The following PSMD11 variants were observed in gnomAD, a reference collection of about 807,000 sequenced individuals.
PSMD11 encodes proteasome 26S subunit, non-ATPase 11.
Under a neutral mutation model 62.3 loss-of-function variants are expected in PSMD11, and 5 were observed. The ratio of observed to expected loss-of-function variants is 0.08; its 90% CI spans 0.04 to 0.17. PSMD11 has a LOEUF of 0.17. Ranked by LOEUF, PSMD11 falls within the 10% of genes least tolerant of loss-of-function variation. PSMD11 has a pLI of 1.00. For missense variants in PSMD11, 310 were observed against 512.9 expected (o/e 0.60, Z 3.82); for synonymous variants, 191 against 191.8 (o/e 1.00, Z 0.03).
At chr17:32,475,542 A>T (rs1189141071) in intron 8 of PSMD11, among the ~76,000 whole-genome samples, 3 of 151,292 alleles carry the variant, frequency 2.0e-5, no homozygotes, top group Non-Finnish European at 4.4e-5. Flanking sequence ...ATCTCACTGT[A>T]TCTCTGGAGG....
intron 5 of PSMD11, among the ~76,000 whole-genome samples, chr17:32,465,546 T>A (rs532648747): frequency 6.6e-6 from 1 of 152,180 alleles, no homozygotes; most frequent in Non-Finnish European, 1.5e-5. Context: ...TTTCATATGG[T>A]TCAAATAGGA....
rs940344758 is a variant in PSMD11 at position 32,481,167 on chromosome 17, C to A, written c.*415C>A. ...GTTTGCTGACCATCAAAAGCAATGA[C>A]TTTTTATTCTGTTTGTACTGAACCA... On this transcript the variant is annotated 3_prime_UTR_variant, in exon 14 of 14. Coordinates refer to ENST00000261712, the MANE Select transcript of PSMD11 (RefSeq NM_002815.4). 1 of 153,962 alleles carries A rather than the reference C, an allele frequency of 6.5e-6. No individual in the cohort carries two copies. The highest frequency in any genetic ancestry group is 1.4e-5 in the Non-Finnish European group (1 of 69,298). The allele number at this position is 153,962 out of a possible 1,614,324, so 9.5% of individuals were successfully genotyped here. A position where few individuals can be genotyped will look rare whatever the true frequency, so the allele number is the denominator to read the frequency against.
rs1217206595 is a variant in PSMD11, at chr17:32,477,595, A to T, written c.912+12A>T. ...CAGATTTTGAAAAGGTGAGTATGATATTGGGTTGGTATGGAATGTGAGTGG... is the reference window on the plus strand; with the variant it reads ...CAGATTTTGAAAAGGTGAGTATGATTTTGGGTTGGTATGGAATGTGAGTGG... On this transcript the variant is annotated intron_variant, in intron 9 of 13. Transcript: ENST00000261712. 1 of 1,600,468 alleles carries T rather than the reference A, an allele frequency of 6.2e-7. No homozygotes were observed. The highest frequency in any genetic ancestry group is 1.3e-5 in the African/African-American group (1 of 74,640).
rs966665551 is a variant in PSMD11 at position 32,444,510 on chromosome 17, G to T, written c.-14G>T. On this transcript the variant is annotated 5_prime_UTR_variant, in exon 1 of 14. Transcript: ENST00000261712. ...GTCGGCGGCCGCGGCCGGGGACGGT[G>T]TGAGAGCGGTAAGATGGCGGCGGCG... The T allele has an allele frequency of 3.2e-6, 5 of 1,583,868 alleles. No individual in the cohort carries two copies. The highest frequency in any genetic ancestry group is 4.3e-6 in the Non-Finnish European group (5 of 1,166,106).
intron 3 of PSMD11, among the ~76,000 whole-genome samples, chr17:32,455,883 C>G (rs1175462852): frequency 6.6e-6 from 1 of 152,080 alleles, no homozygotes; most frequent in Non-Finnish European, 1.5e-5. Context: ...GTGGCTCACG[C>G]CTGTAATCCC....
chr17:32,469,704 T>G (rs1908105163), intron 6 of PSMD11, among the ~76,000 whole-genome samples: 1 of 59,984 alleles, frequency 1.7e-5, no homozygotes, highest in African/African-American at 4.2e-5. Flanking sequence ...TATTCAGCAG[T>G]TTTTTTTTTT....
rs139981384 is a variant in PSMD11 at position 32,463,131 on chromosome 17, G to A, written c.319-918G>A. Among the ~76,000 whole-genome samples the A allele has an allele frequency of 2.4e-3, 368 of 152,324 alleles. 1 individual carries two copies. The highest frequency in any genetic ancestry group is 7.7e-3 in the African/African-American group (322 of 41,572). ...TAATATAAAACTTGCAGTAACCAAA[G>A]TGATAGAAGATCTTCAGTACTTAAT... On this transcript the variant is annotated intron_variant, in intron 3 of 13. Transcript: ENST00000261712.
rs1304090257 is a variant in PSMD11, at chr17:32,472,541, CTTTTTTTT to C, written c.644-1253_644-1246del. Among the ~76,000 whole-genome samples the C allele has an allele frequency of 2.9e-5, 4 of 138,954 alleles. No individual in the cohort carries two copies. In the East Asian group the frequency reaches 8.5e-4, roughly 29 times the overall value. The allele number at this position is 138,954 out of a possible 152,430, so 91.2% of individuals were successfully genotyped here. The stretch of plus-strand genomic sequence containing the variant: ...AGACGTGAGCCACTGTGCCTGACCT[CTTTTTTTT>C]TTTTTTAAGACGGAGTCTCACTCTG... On this transcript the variant is annotated intron_variant, in intron 6 of 13. Coordinates refer to ENST00000261712, the MANE Select transcript of PSMD11 (RefSeq NM_002815.4).
intron 1 of PSMD11, among the ~76,000 whole-genome samples, chr17:32,446,670 T>C (rs1907340640): frequency 6.6e-6 from 1 of 152,182 alleles, no homozygotes; most frequent in African/African-American, 2.4e-5. Context: ...AGAAACTTAG[T>C]GTATGTAGGT....
intron 13 of PSMD11, 47 bp downstream of exon 13, chr17:32,480,678 G>A: frequency 6.2e-7 from 1 of 1,603,566 alleles, no homozygotes; most frequent in Non-Finnish European, 8.5e-7. Context: ...TCTGTCTTCT[G>A]CGTGTCGAGA....
chr17:32,476,497 A>C (rs1025073951), intron 8 of PSMD11, among the ~76,000 whole-genome samples: 1 of 152,218 alleles, frequency 6.6e-6, no homozygotes, highest in African/African-American at 2.4e-5. Context: ...GCCTTGCACC[A>C]TGTAGTCTAC....
chr17:32,474,106 T>C, intron 7 of PSMD11, 161 bp downstream of exon 7: 1 of 782,272 alleles, frequency 1.3e-6, no homozygotes. Context: ...TCAAAAGTGG[T>C]CCAGAAAACT....
chr17:32,462,981 C>T (rs1176264026), intron 3 of PSMD11, among the ~76,000 whole-genome samples: 1 of 152,210 alleles, frequency 6.6e-6, no homozygotes, highest in African/African-American at 2.4e-5. Context: ...AGCCACTGCG[C>T]CTGGCCAGCA....
chr17:32,450,579 G>A (rs1907464658), intron 2 of PSMD11, among the ~76,000 whole-genome samples: 1 of 151,850 alleles, frequency 6.6e-6, no homozygotes, highest in African/African-American at 2.4e-5. Flanking sequence ...GTTCTGTGAG[G>A]TTCTGACAAG....
At chr17:32,472,491 T>G (rs1391838507) in intron 6 of PSMD11, among the ~76,000 whole-genome samples, 1 of 151,834 alleles carries the variant, frequency 6.6e-6, no homozygotes, top group Non-Finnish European at 1.5e-5. Context: ...CCCAAAGTGC[T>G]GGGATTATAG....
chr17:32,446,047 G>A (rs1907322345), intron 1 of PSMD11: 2 of 152,104 alleles, frequency 1.3e-5, no homozygotes, highest in Admixed American at 6.5e-5. Context: ...CTTTCATAAA[G>A]TAGAAATTAC....
chr17:32,461,388 G>A (rs1401925018), intron 3 of PSMD11, among the ~76,000 whole-genome samples: 1 of 151,848 alleles, frequency 6.6e-6, no homozygotes, highest in Non-Finnish European at 1.5e-5. Context: ...ACAATAGCAC[G>A]TTTTAAGAAA....
rs1203338594 is a variant in PSMD11, at chr17:32,468,196, C to T, written c.449-803C>T. On this transcript the variant is annotated intron_variant, in intron 5 of 13. Coordinates refer to ENST00000261712, the MANE Select transcript of PSMD11 (RefSeq NM_002815.4). Reference sequence around the variant, plus strand: ...TGTACATTTTCTTTATTCAGTCTGCCGTTGATGGGCATTTAGGTTTATTTT... The same window carrying T: ...TGTACATTTTCTTTATTCAGTCTGCTGTTGATGGGCATTTAGGTTTATTTT... Among the ~76,000 whole-genome samples the T allele has an allele frequency of 2.0e-5, 3 of 152,042 alleles. No individual in the cohort carries two copies. The South Asian group carries it at 6.2e-4, about 32-fold the overall frequency.
intron 6 of PSMD11, among the ~76,000 whole-genome samples, chr17:32,470,494 T>C (rs1239761943): frequency 2.0e-5 from 3 of 151,860 alleles, no homozygotes; most frequent in Non-Finnish European, 2.9e-5. Flanking sequence ...TGTATTTTAG[T>C]AGAGATGGGG....
Sources: allele counts gnomAD v4.1 joint callset (sites outside exome capture counted in the v4.1 genomes callset), GRCh38; gene constraint gnomAD v4.1.1; transcripts MANE v1.5; gene names NCBI Gene and HGNC (gene_info 2026-07-23, HGNC 2026-07-21).